TRMT11: variants seen among roughly 807,000 people sequenced by gnomAD.
The protein encoded by TRMT11 is tRNA (guanine(10)-N(2))-methyltransferase TRMT11.
Under a neutral mutation model 62.8 loss-of-function variants are expected in TRMT11, and 53 were observed. The observed-to-expected ratio is 0.84, with a 90% CI of 0.68 to 1.06. The LOEUF is 1.06. TRMT11 is among the 50% of genes least tolerant of loss of function. The pLI is 0.00. For synonymous variants in TRMT11, 188 were observed against 190.3 expected, an observed-to-expected ratio of 0.99 and a Z score of 0.10; for missense variants, 556 against 553.4, an observed-to-expected ratio of 1.00 and a Z score of -0.05.
At chr6:126,196,134 GCTAGTA>G (rs1035297943) in intron 1 of TRMT11, among the ~76,000 whole-genome samples, 13 of 152,142 alleles carry the variant, frequency 8.5e-5, no homozygotes, top group African/African-American at 3.1e-4. Context: ...CAAACTTCAT[GCTAGTA>G]CCCTGGAAAG....
At chr6:126,159,504 T>C (rs922919215) in intron 21 of TRMT11, among the ~76,000 whole-genome samples, 1 of 152,206 alleles carries the variant, frequency 6.6e-6, no homozygotes, top group African/African-American at 2.4e-5. Context: ...AGAAAGAACT[T>C]GGCCACTGAT....
rs568201556 is a variant in TRMT11 at position 126,063,124 on chromosome 6, C to T, written c.*1437+9934C>T. Among the ~76,000 whole-genome samples, 6 of 152,190 alleles carry T rather than the reference C, an allele frequency of 3.9e-5. No homozygotes were observed. In the South Asian group the frequency reaches 1.2e-3, roughly 32 times the overall value. On this transcript the variant is annotated intron_variant and NMD_transcript_variant, in intron 17 of 22. Transcript: ENST00000648977. ...CATATAAGTGAAAGTATTCCAATGTCATATAGTTATCTCTGAGTAGTTTTG... is the reference window on the plus strand; with the variant it reads ...CATATAAGTGAAAGTATTCCAATGTTATATAGTTATCTCTGAGTAGTTTTG...
intron 16 of TRMT11, among the ~76,000 whole-genome samples, chr6:126,050,672 G>T (rs1203258226): frequency 6.6e-6 from 1 of 151,600 alleles, no homozygotes; most frequent in Non-Finnish European, 1.5e-5. Context: ...GCACTCCAGT[G>T]TGGGTGACAC....
intron 17 of TRMT11, among the ~76,000 whole-genome samples, chr6:126,068,962 C>G (rs1650286502): frequency 6.6e-6 from 1 of 152,136 alleles, no homozygotes; most frequent in Admixed American, 6.5e-5. Context: ...TAGGAACTAG[C>G]CTTTGGGCCA....
At chr6:126,131,530 G>A (rs1252333007) in intron 21 of TRMT11, among the ~76,000 whole-genome samples, 1 of 151,928 alleles carries the variant, frequency 6.6e-6, no homozygotes, top group Non-Finnish European at 1.5e-5. Context: ...GCCTTTAAAA[G>A]GAAATTAGAG....
chr6:126,239,252 G>C, the TRMT11 span, among the ~76,000 whole-genome samples: 1 of 152,152 alleles, frequency 6.6e-6, no homozygotes, highest in African/African-American at 2.4e-5. Context: ...CTGTCATTAC[G>C]ATGTTAGCTG....
At chr6:126,072,536 C>T (rs569696770) in intron 17 of TRMT11, among the ~76,000 whole-genome samples, 5 of 152,224 alleles carry the variant, frequency 3.3e-5, no homozygotes, top group South Asian at 2.1e-4. Flanking sequence ...ACCAAGAGCT[C>T]GTCTGTAAAA....
intron 21 of TRMT11, among the ~76,000 whole-genome samples, chr6:126,132,550 T>A (rs1777798005): frequency 6.6e-6 from 1 of 152,070 alleles, no homozygotes; most frequent in African/African-American, 2.4e-5. Context: ...GCAGTCATAC[T>A]GTCTAATGAG....
chr6:126,010,839 TTCC>T (rs1445080576), intron 8 of TRMT11, among the ~76,000 whole-genome samples: 1 of 152,122 alleles, frequency 6.6e-6, no homozygotes, highest in Non-Finnish European at 1.5e-5. Flanking sequence ...TTTGCCTCCC[TTCC>T]TCATGGTCAC....
At chr6:126,052,582 G>A (rs1023260379) in intron 16 of TRMT11, among the ~76,000 whole-genome samples, 1 of 151,964 alleles carries the variant, frequency 6.6e-6, no homozygotes, top group Non-Finnish European at 1.5e-5. Context: ...TTATGCATTT[G>A]GCAGAGCTCA....
At chr6:126,044,014 C>G (rs1775967566), downstream of TRMT11, among the ~76,000 whole-genome samples, 1 of 151,612 alleles carries the variant, frequency 6.6e-6, no homozygotes, top group African/African-American at 2.4e-5. Flanking sequence ...TGCCTGTTCA[C>G]TCTGATGGTA....
At chr6:125,996,103 G>T in intron 3 of TRMT11, 63 bp downstream of exon 3, 1 of 1,186,376 alleles carries the variant, frequency 8.4e-7, no homozygotes, top group Non-Finnish European at 1.3e-6. Flanking sequence ...ACTCAATCCT[G>T]TTTTTTGCTA....
At chr6:126,261,443 G>A in the TRMT11 span, among the ~76,000 whole-genome samples, 2 of 151,748 alleles carry the variant, frequency 1.3e-5, no homozygotes, top group African/African-American at 4.8e-5. Context: ...TTTGGAGTCT[G>A]CTACTAAGGA....
In TRMT11 at chr6:126,039,124, A is replaced by G. The variant is rs940126309; in HGVS notation, c.*288A>G. ...TTTTTACAATTAATCTACAAAGGGAATTAATATTGTTGACTTTTAAAACAT... is the reference window on the plus strand; with the variant it reads ...TTTTTACAATTAATCTACAAAGGGAGTTAATATTGTTGACTTTTAAAACAT... On this transcript the variant is annotated 3_prime_UTR_variant, in exon 13 of 13. Transcript: ENST00000334379. The G allele has an allele frequency of 5.1e-6, 1 of 197,466 alleles. No homozygotes were observed. Among genetic ancestry groups the G allele is most frequent in the Non-Finnish European group, 1.0e-5 (1 of 98,646 alleles). 12.2% of individuals were successfully genotyped at this position (197,466 alleles called of 1,614,324 possible). A position where few individuals can be genotyped will look rare whatever the true frequency, so the allele number is the denominator to read the frequency against.
At chr6:126,050,963 A>G (rs1776199300) in intron 16 of TRMT11, among the ~76,000 whole-genome samples, 1 of 152,172 alleles carries the variant, frequency 6.6e-6, no homozygotes, top group Non-Finnish European at 1.5e-5. Context: ...GAGATAAATA[A>G]TCCTAGCAAG....
intron 21 of TRMT11, among the ~76,000 whole-genome samples, chr6:126,143,288 T>A (rs1475086421): frequency 6.6e-6 from 1 of 152,134 alleles, no homozygotes; most frequent in East Asian, 1.9e-4. Context: ...GTAGCTTGAA[T>A]CTTCTCCTAG....
intron 12 of TRMT11, among the ~76,000 whole-genome samples, chr6:126,030,799 G>A (rs1774054294): frequency 6.6e-6 from 1 of 152,180 alleles, no homozygotes. Context: ...GTTTTCTGCT[G>A]AATGACTATA....
chr6:126,134,774 G>T (rs1018077096), intron 21 of TRMT11, among the ~76,000 whole-genome samples: 3 of 151,774 alleles, frequency 2.0e-5, no homozygotes, highest in Non-Finnish European at 4.4e-5. Flanking sequence ...TTATAAAAAG[G>T]TCTAAATCAT....
the TRMT11 span, among the ~76,000 whole-genome samples, chr6:126,217,503 C>T: frequency 6.6e-6 from 1 of 152,190 alleles, no homozygotes; most frequent in African/African-American, 2.4e-5. Flanking sequence ...TCGTAGATAC[C>T]ACCGGGATGG....
Sources: allele counts gnomAD v4.1 joint callset (sites outside exome capture counted in the v4.1 genomes callset), GRCh38; gene constraint gnomAD v4.1.1; transcripts MANE v1.5; gene names NCBI Gene and HGNC (gene_info 2026-07-23, HGNC 2026-07-21).